The following PTPRD variants were observed in gnomAD, a reference collection of about 807,000 sequenced individuals.
PTPRD encodes the protein protein tyrosine phosphatase receptor type D.
PTPRD carries 34 observed loss-of-function variants against 214.5 expected under a neutral mutation model. That is an observed-to-expected ratio of 0.16 (90% CI 0.12 to 0.21). The LOEUF (loss-of-function observed/expected upper bound fraction) is 0.21. Among genes scored for constraint, PTPRD ranks in the 10% least tolerant of loss-of-function variants. PTPRD has a pLI of 1.00. For synonymous variants in PTPRD, 1,128 were observed against 845.7 expected (o/e 1.33, Z -5.79); for missense variants, 2,545 against 2,398.7 (o/e 1.06, Z -1.27).
chr9:10,215,216 C>A (rs1173540122), intron 3 of PTPRD, among the ~76,000 whole-genome samples: 1 of 151,200 alleles, frequency 6.6e-6, no homozygotes, highest in Non-Finnish European at 1.5e-5. Context: ...GGAGTCAGAC[C>A]TACACAGACT....
chr9:10,282,585 G>A (rs2095174929), intron 3 of PTPRD, among the ~76,000 whole-genome samples: 1 of 152,090 alleles, frequency 6.6e-6, no homozygotes, highest in South Asian at 2.1e-4. Context: ...CCTAATGTTA[G>A]CTATGAAATA....
Position 8,804,630 on chromosome 9 carries a change from C to G in PTPRD, c.-103-70684G>C, listed in dbSNP as rs1033843553. Among the ~76,000 whole-genome samples, 3 of 151,778 alleles carry G rather than the reference C, an allele frequency of 2.0e-5. No individual in the cohort carries two copies. In the South Asian group the frequency reaches 6.3e-4, roughly 32 times the overall value. On this transcript the variant is annotated intron_variant, in intron 11 of 45. Transcript: ENST00000381196. ...CAAACACACCCCCTCCCGCCCCACC[C>G]CTTCCAAAAAATATATATGTATCTC... is the stretch of plus-strand genomic sequence containing the variant.
chr9:9,905,684 C>T (rs114542387), intron 5 of PTPRD, among the ~76,000 whole-genome samples: 410 of 152,038 alleles, frequency 2.7e-3, no homozygotes, highest in African/African-American at 9.4e-3. Context: ...TTTCCTACTG[C>T]GTAACTATAT....
chr9:9,627,528 CTCT>C (rs2095461097), intron 7 of PTPRD, among the ~76,000 whole-genome samples: 2 of 152,166 alleles, frequency 1.3e-5, no homozygotes, highest in Admixed American at 6.5e-5. Flanking sequence ...ACAGTGTTTT[CTCT>C]TCTTCTCTGT....
At chr9:10,282,932 C>A (rs561354336) in intron 3 of PTPRD, among the ~76,000 whole-genome samples, 26 of 152,252 alleles carry the variant, frequency 1.7e-4, no homozygotes, top group Non-Finnish European at 2.9e-4. Context: ...TTCTATCTGT[C>A]TATCACATAG....
intron 3 of PTPRD, among the ~76,000 whole-genome samples, chr9:10,130,189 G>A (rs62537310): frequency 8.7e-6 from 1 of 115,166 alleles, no homozygotes; most frequent in South Asian, 3.2e-4. Flanking sequence ...TTTTTTTTTG[G>A]CTCTTTCTTA....
At chr9:9,939,612 G>A (rs2086727835) in intron 4 of PTPRD, among the ~76,000 whole-genome samples, 1 of 152,094 alleles carries the variant, frequency 6.6e-6, no homozygotes, top group South Asian at 2.1e-4. Context: ...GTACCTACTT[G>A]GTATTAATTG....
At chr9:8,333,803 C>T (rs183878709) in intron 43 of PTPRD, among the ~76,000 whole-genome samples, 1 of 151,874 alleles carries the variant, frequency 6.6e-6, no homozygotes, top group East Asian at 1.9e-4. Flanking sequence ...CAGAGATACA[C>T]ATAGGCTCAA....
chr9:8,704,229 G>C (rs2098150621), intron 12 of PTPRD, among the ~76,000 whole-genome samples: 1 of 152,042 alleles, frequency 6.6e-6, no homozygotes, highest in South Asian at 2.1e-4. Flanking sequence ...GTGCAGGGTT[G>C]GCTGCCTTCC....
chr9:9,862,735 G>A (rs2063057759), intron 5 of PTPRD, among the ~76,000 whole-genome samples: 1 of 143,366 alleles, frequency 7.0e-6, no homozygotes, highest in Admixed American at 7.0e-5. Context: ...GGGGCGGGGG[G>A]GGGAGTAGTC....
intron 30 of PTPRD, among the ~76,000 whole-genome samples, chr9:8,473,236 C>G (rs917422374): frequency 5.9e-5 from 9 of 152,180 alleles, no homozygotes; most frequent in Non-Finnish European, 1.3e-4. Context: ...ATTACACCAG[C>G]TAGCCATTCA....
At chr9:9,929,726 C>T (rs548747472) in intron 5 of PTPRD, among the ~76,000 whole-genome samples, 1 of 152,274 alleles carries the variant, frequency 6.6e-6, no homozygotes, top group African/African-American at 2.4e-5. Flanking sequence ...CTGAAAGAGA[C>T]AGGGCCTGGA....
chr9:8,919,425 T>G (rs1343056557), intron 11 of PTPRD, among the ~76,000 whole-genome samples: 1 of 151,708 alleles, frequency 6.6e-6, no homozygotes, highest in Non-Finnish European at 1.5e-5. Context: ...CAGATTTATC[T>G]AATTTCTGTT....
chr9:10,134,675 AGT>A (rs1564032538), intron 3 of PTPRD, among the ~76,000 whole-genome samples: 1 of 152,140 alleles, frequency 6.6e-6, no homozygotes, highest in African/African-American at 2.4e-5. Context: ...CTTACACCAC[AGT>A]CAAACTCTTA....
At chr9:9,716,279 G>C (rs188654636) in intron 7 of PTPRD, among the ~76,000 whole-genome samples, 3 of 152,064 alleles carry the variant, frequency 2.0e-5, no homozygotes, top group African/African-American at 4.8e-5. Flanking sequence ...TTGGTTTCAA[G>C]TCTTTGCTAT....
chr9:9,846,149 C>T (rs1599596161), intron 5 of PTPRD, among the ~76,000 whole-genome samples: 1 of 151,998 alleles, frequency 6.6e-6, no homozygotes, highest in South Asian at 2.1e-4. Flanking sequence ...TTCCTCCCTC[C>T]CCAAGCAAGA....
intron 9 of PTPRD, among the ~76,000 whole-genome samples, chr9:9,240,679 TA>T (rs2099969926): frequency 6.6e-6 from 1 of 152,198 alleles, no homozygotes; most frequent in African/African-American, 2.4e-5. Context: ...TAAGTGATGC[TA>T]AACTTTCTTT....
intron 31 of PTPRD, among the ~76,000 whole-genome samples, chr9:8,469,804 C>T (rs888846609): frequency 1.3e-5 from 2 of 152,040 alleles, no homozygotes; most frequent in Admixed American, 6.6e-5. Context: ...CTCATCTCCT[C>T]GTCTGAACAC....
intron 2 of PTPRD, among the ~76,000 whole-genome samples, chr9:10,395,095 TC>T (rs1423272216): frequency 6.6e-6 from 1 of 151,442 alleles, no homozygotes; most frequent in Admixed American, 6.6e-5. Context: ...CTGCAGGCTT[TC>T]TTTTTATTAT....
Sources: allele counts gnomAD v4.1 joint callset (sites outside exome capture counted in the v4.1 genomes callset), GRCh38; gene constraint gnomAD v4.1.1; transcripts MANE v1.5; gene names NCBI Gene and HGNC (gene_info 2026-07-23, HGNC 2026-07-21).